Variants in PARD3 observed in about 807,000 individuals in gnomAD.
PARD3 encodes partitioning defective 3 homolog.
Under a neutral mutation model 155.4 loss-of-function variants are expected in PARD3, and 75 were observed. The observed-to-expected ratio is 0.48, with a 90% CI of 0.40 to 0.58. The LOEUF (loss-of-function observed/expected upper bound fraction) is 0.58. Ranked by LOEUF, PARD3 falls within the 20% of genes least tolerant of loss-of-function variation. PARD3 has a pLI of 0.00. For synonymous variants in PARD3, 576 were observed against 610.5 expected (o/e 0.94, Z 0.83); for missense variants, 1,642 against 1,721.7 (o/e 0.95, Z 0.82).
chr10:34,502,611 T>C (rs779244156), intron 3 of PARD3, among the ~76,000 whole-genome samples: 39 of 152,116 alleles, frequency 2.6e-4, no homozygotes, highest in Admixed American at 5.2e-4. Flanking sequence ...CAGAACTACA[T>C]ATACCCTGCT....
intron 1 of PARD3, among the ~76,000 whole-genome samples, chr10:34,750,078 G>A (rs1025318905): frequency 2.8e-5 from 4 of 142,844 alleles, no homozygotes; most frequent in Admixed American, 7.0e-5. Context: ...CACAAAACCC[G>A]CAGTCTCAAT....
chr10:34,353,165 G>C (rs972870352), intron 14 of PARD3, among the ~76,000 whole-genome samples: 1 of 152,014 alleles, frequency 6.6e-6, no homozygotes, highest in Non-Finnish European at 1.5e-5. Context: ...CGCCCCGTCC[G>C]GGAGGGAGGT....
intron 3 of PARD3, among the ~76,000 whole-genome samples, chr10:34,479,968 T>G (rs2078967992): frequency 6.6e-6 from 1 of 152,092 alleles, no homozygotes; most frequent in Admixed American, 6.5e-5. Flanking sequence ...GCTGTGACAT[T>G]CCCCAGAGGG....
chr10:34,565,393 G>T (rs1026961175), intron 2 of PARD3, among the ~76,000 whole-genome samples: 2 of 147,516 alleles, frequency 1.4e-5, no homozygotes, highest in African/African-American at 5.0e-5. Context: ...TTGGCCTCTC[G>T]AGTAGCTGGG....
chr10:34,450,180 G>C, intron 5 of PARD3, 137 bp downstream of exon 5: 1 of 726,428 alleles, frequency 1.4e-6, no homozygotes, highest in Non-Finnish European at 2.2e-6. Flanking sequence ...CTCTGACATA[G>C]AGATTGGTAC....
chr10:34,619,398 A>G (rs143830630), intron 2 of PARD3, among the ~76,000 whole-genome samples: 1 of 152,070 alleles, frequency 6.6e-6, no homozygotes, highest in Non-Finnish European at 1.5e-5. Context: ...ACCTTCTCCT[A>G]AAAAATTGTG....
chr10:34,220,883 C>T (rs1406494460), intron 22 of PARD3, among the ~76,000 whole-genome samples: 2 of 152,302 alleles, frequency 1.3e-5, no homozygotes, highest in East Asian at 3.9e-4. Context: ...GGTACCCACG[C>T]ATTACATCTG....
In PARD3 at chr10:34,503,683, C is replaced by T. The variant is rs140451772; in HGVS notation, c.403+13296G>A. Among the ~76,000 whole-genome samples the T allele has an allele frequency of 4.9e-4, 75 of 152,284 alleles. No homozygotes were observed. The East Asian group carries it at 0.014, about 29-fold the overall frequency. ...GCTGTGATGGCTATTACATATTCATCCTTTCCTCTGTGAGGAGGAGTGGGA... is the reference window on the plus strand; with the variant it reads ...GCTGTGATGGCTATTACATATTCATTCTTTCCTCTGTGAGGAGGAGTGGGA... On this transcript the variant is annotated intron_variant, in intron 3 of 24. Transcript: ENST00000374788.
At chr10:34,704,265 T>G (rs2094330167) in intron 1 of PARD3, among the ~76,000 whole-genome samples, 1 of 152,150 alleles carries the variant, frequency 6.6e-6, no homozygotes, top group African/African-American at 2.4e-5. Flanking sequence ...GAAAAAACAT[T>G]CCTCATTTCA....
intron 2 of PARD3, among the ~76,000 whole-genome samples, chr10:34,693,078 A>G (rs1281813825): frequency 6.6e-6 from 1 of 152,210 alleles, no homozygotes; most frequent in Non-Finnish European, 1.5e-5. Flanking sequence ...TTCGAAGAAA[A>G]AAATTAAAAG....
chr10:34,731,379 C>A (rs1341333571), intron 1 of PARD3, among the ~76,000 whole-genome samples: 9 of 152,146 alleles, frequency 5.9e-5, no homozygotes, highest in Admixed American at 5.9e-4. Flanking sequence ...TTACACAATC[C>A]ACTGACATGG....
intron 20 of PARD3, among the ~76,000 whole-genome samples, chr10:34,300,286 A>G (rs542984406): frequency 2.0e-5 from 3 of 152,340 alleles, no homozygotes; most frequent in Admixed American, 1.3e-4. Flanking sequence ...AATGTATGTG[A>G]GTACATAGTG....
At chr10:34,553,230 G>A (rs996410919) in intron 2 of PARD3, among the ~76,000 whole-genome samples, 5 of 152,158 alleles carry the variant, frequency 3.3e-5, no homozygotes, top group Admixed American at 3.3e-4. Context: ...TGTGGTGGTT[G>A]CCAAACACAA....
chr10:34,119,581 G>T, intron 24 of PARD3, 32 bp downstream of exon 24: 2 of 1,573,150 alleles, frequency 1.3e-6, no homozygotes, highest in Non-Finnish European at 1.7e-6. Context: ...AGGGCCGGGG[G>T]GATCTGGAGG....
intron 1 of PARD3, among the ~76,000 whole-genome samples, chr10:34,724,478 G>T (rs1302398623): frequency 1.3e-5 from 2 of 152,068 alleles, no homozygotes; most frequent in African/African-American, 4.8e-5. Context: ...TTCTAAACTT[G>T]CTAGTAAAAA....
chr10:34,779,020 A>G (rs1315524195), intron 1 of PARD3, among the ~76,000 whole-genome samples: 1 of 152,196 alleles, frequency 6.6e-6, no homozygotes, highest in Non-Finnish European at 1.5e-5. Flanking sequence ...ATCCAAATAA[A>G]CTAAAGCAGG....
At chr10:34,764,988 T>A (rs548630019) in intron 1 of PARD3, among the ~76,000 whole-genome samples, 7 of 152,300 alleles carry the variant, frequency 4.6e-5, no homozygotes, top group African/African-American at 1.4e-4. Flanking sequence ...TTAGGTCTCA[T>A]CCTTCTCAGT....
intron 20 of PARD3, among the ~76,000 whole-genome samples, chr10:34,316,750 A>G (rs1958032913): frequency 6.6e-6 from 1 of 152,230 alleles, no homozygotes; most frequent in African/African-American, 2.4e-5. Context: ...GGTTGGCAAG[A>G]TATAATCATT....
chr10:34,703,756 C>T lies in PARD3; in HGVS notation c.121-7337G>A, dbSNP rs1198050744. Among the ~76,000 whole-genome samples the T allele has an allele frequency of 3.9e-5, 6 of 151,980 alleles. No homozygotes were observed. The East Asian group carries it at 1.2e-3, about 29-fold the overall frequency. On this transcript the variant is annotated intron_variant, in intron 1 of 24. Transcript: ENST00000374788. ...GAAGGAGAACATCCAGAAAATAAAGCACAGGCCACAGTGAGGGAAAAGGAG... is the reference window on the plus strand; with the variant it reads ...GAAGGAGAACATCCAGAAAATAAAGTACAGGCCACAGTGAGGGAAAAGGAG...
Sources: gnomAD v4.1 joint callset for allele counts (sites outside exome capture counted in the v4.1 genomes callset) on GRCh38, gnomAD v4.1.1 for gene constraint, MANE v1.5 for transcripts, NCBI Gene and HGNC (gene_info 2026-07-23, HGNC 2026-07-21) for gene names.